Variants in SEMA3C observed in about 807,000 individuals in gnomAD.
SEMA3C encodes the protein semaphorin 3C.
A neutral mutation model predicts 89.4 loss-of-function variants in SEMA3C; 47 were observed. The ratio of observed to expected loss-of-function variants is 0.53; its 90% CI spans 0.42 to 0.67. The LOEUF is 0.67. Among genes scored for constraint, SEMA3C ranks in the 30% least tolerant of loss-of-function variants. The pLI, the probability that SEMA3C is intolerant of heterozygous loss-of-function variation, is 0.00. For missense variants in SEMA3C, 839 were observed against 929.1 expected (o/e 0.90, Z 1.26); for synonymous variants, 310 against 320.2 (o/e 0.97, Z 0.34).
intron 16 of SEMA3C, among the ~76,000 whole-genome samples, chr7:80,750,435 C>CATATATATATATAT (rs71520704): frequency 9.8e-5 from 7 of 71,078 alleles, no homozygotes; most frequent in South Asian, 4.2e-4. Flanking sequence ...TACATACGTA[C>CATATATATATATAT]ATATATATAT....
chr7:80,893,756 A>C (rs2116161472), intron 2 of SEMA3C, among the ~76,000 whole-genome samples: 1 of 152,284 alleles, frequency 6.6e-6, no homozygotes, highest in Admixed American at 6.5e-5. Flanking sequence ...CTCTGAGGTT[A>C]CATAAATAAT....
At chr7:80,914,521 G>A (rs1374164706) in intron 2 of SEMA3C, among the ~76,000 whole-genome samples, 1 of 152,072 alleles carries the variant, frequency 6.6e-6, no homozygotes, top group Admixed American at 6.6e-5. Context: ...TTGTAGGAAT[G>A]TTTAAAATTA....
intron 11 of SEMA3C, among the ~76,000 whole-genome samples, chr7:80,797,288 G>C (rs1789087576): frequency 6.6e-6 from 1 of 152,036 alleles, no homozygotes; most frequent in Non-Finnish European, 1.5e-5. Context: ...TTATAGGCCA[G>C]ATGAGAAAGA....
At chr7:80,907,400 G>A (rs1792040432) in intron 2 of SEMA3C, among the ~76,000 whole-genome samples, 1 of 151,914 alleles carries the variant, frequency 6.6e-6, no homozygotes, top group Admixed American at 6.6e-5. Flanking sequence ...TTTTGGTGAT[G>A]ATAATACACT....
At chr7:80,837,974 C>CTT (rs1207807736) in intron 2 of SEMA3C, among the ~76,000 whole-genome samples, 1 of 152,110 alleles carries the variant, frequency 6.6e-6, no homozygotes, top group Non-Finnish European at 1.5e-5. Flanking sequence ...AAACACAGGT[C>CTT]TTTGTTCATT....
chr7:80,752,529 C>T (rs925219566), intron 15 of SEMA3C, among the ~76,000 whole-genome samples: 8 of 149,824 alleles, frequency 5.3e-5, no homozygotes, highest in African/African-American at 1.2e-4. Flanking sequence ...GCAGGAGAAT[C>T]GCTTGAACCC....
chr7:80,891,462 T>C (rs1011191632), intron 2 of SEMA3C, among the ~76,000 whole-genome samples: 2 of 151,766 alleles, frequency 1.3e-5, no homozygotes, highest in East Asian at 1.9e-4. Flanking sequence ...ATGAACTTTA[T>C]CCATCATAAA....
chr7:80,864,056 T>C (rs1024049530), intron 2 of SEMA3C, among the ~76,000 whole-genome samples: 2 of 151,894 alleles, frequency 1.3e-5, no homozygotes, highest in East Asian at 1.9e-4. Context: ...AGACTACTAC[T>C]CAGCCATAAA....
At position 80,760,644 on chromosome 7, in the gene SEMA3C, T is replaced by C. The variant is rs542658316; in HGVS notation, c.1485+972A>G. ...AATATGGTGAAGAGCTCCAGAATCA[T>C]GTAATCGGTTGTGCTAACACATAAA... On this transcript the variant is annotated intron_variant, in intron 14 of 17. Transcript: ENST00000265361. 6.6e-5 allele frequency among the ~76,000 whole-genome samples: 10 copies of C among 152,344 alleles called. No homozygotes were observed. The South Asian group carries it at 1.9e-3, about 28-fold the overall frequency.
At chr7:80,780,736 T>C (rs1190864379) in intron 12 of SEMA3C, among the ~76,000 whole-genome samples, 1 of 151,866 alleles carries the variant, frequency 6.6e-6, no homozygotes, top group Admixed American at 6.6e-5. Flanking sequence ...ATAGAAAAAT[T>C]AGCCAGGCGC....
chr7:80,863,015 T>G (rs957647678), intron 2 of SEMA3C, among the ~76,000 whole-genome samples: 1 of 152,046 alleles, frequency 6.6e-6, no homozygotes, highest in African/African-American at 2.4e-5. Context: ...GGAAAACCCT[T>G]CTAGACTAAG....
intron 2 of SEMA3C, among the ~76,000 whole-genome samples, chr7:80,868,736 G>A (rs1056484069): frequency 6.6e-6 from 1 of 152,040 alleles, no homozygotes; most frequent in Non-Finnish European, 1.5e-5. Flanking sequence ...TTATAGTCTG[G>A]AGAAATTCCA....
intron 2 of SEMA3C, among the ~76,000 whole-genome samples, chr7:80,860,056 C>A (rs896906312): frequency 3.3e-5 from 5 of 152,044 alleles, no homozygotes; most frequent in African/African-American, 4.8e-5. Flanking sequence ...AGCTTTTATT[C>A]AAATATCTTA....
At chr7:80,828,037 A>G (rs1789918322) in intron 3 of SEMA3C, among the ~76,000 whole-genome samples, 1 of 151,882 alleles carries the variant, frequency 6.6e-6, no homozygotes, top group South Asian at 2.1e-4. Context: ...ATAATCATTA[A>G]TTTTTTTTAG....
At chr7:80,814,509 A>C (rs546462656) in intron 5 of SEMA3C, among the ~76,000 whole-genome samples, 3 of 152,264 alleles carry the variant, frequency 2.0e-5, no homozygotes, top group South Asian at 4.1e-4. Context: ...CCCTCTCTGC[A>C]TAATTAAATC....
upstream of SEMA3C, among the ~76,000 whole-genome samples, chr7:80,921,228 A>G (rs1428964084): frequency 6.6e-6 from 1 of 152,186 alleles, no homozygotes; most frequent in African/African-American, 2.4e-5. Flanking sequence ...AATTCCCTCA[A>G]TATTGCTCAA....
At chr7:80,750,498 A>ACACACACACG (rs1787909010) in intron 16 of SEMA3C, among the ~76,000 whole-genome samples, 1 of 143,348 alleles carries the variant, frequency 7.0e-6, no homozygotes, top group Non-Finnish European at 1.5e-5. Context: ...ACACACACAC[A>ACACACACACG]CACATACACA....
At chr7:80,912,340 T>TATCA (rs1243852051) in intron 2 of SEMA3C, among the ~76,000 whole-genome samples, 4 of 152,206 alleles carry the variant, frequency 2.6e-5, no homozygotes, top group Admixed American at 1.3e-4. Context: ...CAGAGCCCTA[T>TATCA]ATCAATACAT....
chr7:80,802,474 T>A (rs968439981), intron 9 of SEMA3C, among the ~76,000 whole-genome samples, 191 bp downstream of exon 9: 3 of 152,160 alleles, frequency 2.0e-5, no homozygotes, highest in Middle Eastern at 3.2e-3. Flanking sequence ...GTTTCAGCAG[T>A]GCACTCATGG....
Sources: allele counts gnomAD v4.1 joint callset (sites outside exome capture counted in the v4.1 genomes callset), GRCh38; gene constraint gnomAD v4.1.1; transcripts MANE v1.5; gene names NCBI Gene and HGNC (gene_info 2026-07-23, HGNC 2026-07-21).